Variants in PDE2A observed in about 807,000 individuals in gnomAD.
PDE2A encodes phosphodiesterase 2A.
In PDE2A, 53 loss-of-function variants were observed where a neutral mutation model predicts 133.6. The ratio of observed to expected loss-of-function variants is 0.40; its 90% confidence interval spans 0.32 to 0.50. PDE2A has a LOEUF of 0.50. Among genes scored for constraint, PDE2A ranks in the 20% least tolerant of loss-of-function variants. PDE2A has a pLI of 0.73. For synonymous variants in PDE2A, 491 were observed against 490.2 expected, an observed-to-expected ratio of 1.00 and a Z score of -0.02; for missense variants, 796 against 1,232.4, an observed-to-expected ratio of 0.65 and a Z score of 5.30.
chr11:72,586,297 C>A, intron 13 of PDE2A, 116 bp from the exon 14 acceptor site: 2 of 690,312 alleles, frequency 2.9e-6, no homozygotes, highest in African/African-American at 1.8e-5. Flanking sequence ...AACTATATAA[C>A]CACTGCACAG....
chr11:72,652,512 CT>C (rs1448984851), intron 1 of PDE2A: 1 of 455,820 alleles, frequency 2.2e-6, no homozygotes, highest in African/African-American at 2.0e-5. Context: ...CACCCCTTTG[CT>C]TACACCATTC....
chr11:72,631,325 C>T (rs1858371549), intron 2 of PDE2A, among the ~76,000 whole-genome samples: 1 of 152,152 alleles, frequency 6.6e-6, no homozygotes, highest in Non-Finnish European at 1.5e-5. Flanking sequence ...GCACCTCTGG[C>T]TCTGCCATAT....
rs1261897449 is a variant in PDE2A, at chr11:72,578,444, T to C, written c.2508+32A>G. On this transcript the variant is annotated intron_variant, in intron 29 of 30. Transcript: ENST00000334456. This position sits in a 1 kb window ranked among gnomAD's most constrained non-coding sequence, Gnocchi z 4.2. ...GTCCCAGGCCAGGAACCCTCCCCCA[T>C]CCTGGACATCCTGGGGTCACTCCAC... 1.2e-6 allele frequency: 2 copies of C among 1,601,366 alleles called. No homozygotes were observed. The highest frequency in any genetic ancestry group is 1.7e-6 in the Non-Finnish European group (2 of 1,168,542).
chr11:72,639,580 G>A (rs1390651284), intron 2 of PDE2A, among the ~76,000 whole-genome samples: 1 of 152,116 alleles, frequency 6.6e-6, no homozygotes. Context: ...ACGAAGTGGT[G>A]TAGTAAACAC....
chr11:72,582,390 G>C, intron 21 of PDE2A, 54 bp downstream of exon 21: 1 of 1,563,978 alleles, frequency 6.4e-7, no homozygotes, highest in Admixed American at 1.8e-5. Flanking sequence ...TTTAACTTAA[G>C]CCTCTGGCTA....
intron 6 of PDE2A, among the ~76,000 whole-genome samples, chr11:72,592,426 AGTCT>A (rs553513308): frequency 6.2e-4 from 94 of 152,300 alleles, no homozygotes; most frequent in Admixed American, 1.2e-3. Context: ...GGAAGCTCAC[AGTCT>A]GTCTGGGGTG....
At chr11:72,640,886 T>G (rs1858922422) in intron 2 of PDE2A, among the ~76,000 whole-genome samples, 1 of 151,912 alleles carries the variant, frequency 6.6e-6, no homozygotes, top group Non-Finnish European at 1.5e-5. Flanking sequence ...GCCACAACAC[T>G]GCCTCCCCAG....
intron 2 of PDE2A, among the ~76,000 whole-genome samples, chr11:72,612,038 A>G (rs2135370824): frequency 6.6e-6 from 1 of 152,274 alleles, no homozygotes; most frequent in East Asian, 1.9e-4. Flanking sequence ...ACAGATGGGG[A>G]GCAAGGCTCA....
At chr11:72,591,048 T>A in intron 7 of PDE2A, 1 of 495,802 alleles carries the variant, frequency 2.0e-6, no homozygotes, top group Non-Finnish European at 3.6e-6. Flanking sequence ...CAACCGTGTG[T>A]ATTTACAAGA....
intron 2 of PDE2A, among the ~76,000 whole-genome samples, chr11:72,632,712 G>A (rs1290302726): frequency 6.6e-6 from 1 of 152,092 alleles, no homozygotes; most frequent in Non-Finnish European, 1.5e-5. Context: ...AGCAGCCAGG[G>A]ACAGCCCCCT....
At chr11:72,639,807 G>A (rs1858875671) in intron 2 of PDE2A, among the ~76,000 whole-genome samples, 1 of 152,174 alleles carries the variant, frequency 6.6e-6, no homozygotes, top group Non-Finnish European at 1.5e-5. Context: ...GGGGGGGCAT[G>A]GAGAACATTC....
At chr11:72,600,972 G>C (rs1226785497) in intron 4 of PDE2A, among the ~76,000 whole-genome samples, 1 of 151,652 alleles carries the variant, frequency 6.6e-6, no homozygotes, top group Non-Finnish European at 1.5e-5. Flanking sequence ...AGCCTGGAAA[G>C]AGCTGGGTCC....
At chr11:72,664,099 G>A (rs1373884715) in intron 1 of PDE2A, among the ~76,000 whole-genome samples, 3 of 152,102 alleles carry the variant, frequency 2.0e-5, no homozygotes, top group Non-Finnish European at 4.4e-5. Flanking sequence ...TGCCTCCTTT[G>A]ACAAGCAGTG....
intron 21 of PDE2A, 186 bp downstream of exon 21, chr11:72,582,258 C>T: frequency 1.5e-6 from 1 of 648,516 alleles, no homozygotes. Context: ...TCCAGTCCAG[C>T]CTCTAGCCCC....
intron 6 of PDE2A, among the ~76,000 whole-genome samples, chr11:72,595,011 A>C (rs537068474): frequency 1.5e-3 from 229 of 149,614 alleles, no homozygotes; most frequent in Non-Finnish European, 2.7e-3. Context: ...AGTGTAAGTG[A>C]TCTGATCCCA....
intron 4 of PDE2A, among the ~76,000 whole-genome samples, chr11:72,599,845 C>T (rs1361928419): frequency 1.3e-5 from 2 of 152,208 alleles, no homozygotes; most frequent in African/African-American, 4.8e-5. Flanking sequence ...ACGTACAGAC[C>T]CACGCTTCAG....
chr11:72,632,624 G>A (rs1459089281), intron 2 of PDE2A, among the ~76,000 whole-genome samples: 2 of 152,184 alleles, frequency 1.3e-5, no homozygotes, highest in African/African-American at 4.8e-5. Flanking sequence ...TGAGATAAGT[G>A]CCTGACCCAG....
chr11:72,672,032 T>C (rs919773561), intron 1 of PDE2A, among the ~76,000 whole-genome samples: 7 of 152,060 alleles, frequency 4.6e-5, no homozygotes, highest in African/African-American at 1.7e-4. Context: ...CTATCCAGCC[T>C]TTCCCAAGTT....
intron 4 of PDE2A, chr11:72,599,038 G>T (rs1244498090): frequency 1.0e-6 from 1 of 985,274 alleles, no homozygotes; most frequent in Non-Finnish European, 1.2e-6. Context: ...GAGGCAGGGG[G>T]TGACCCCTGG....
Sources: gnomAD v4.1 joint callset for allele counts (sites outside exome capture counted in the v4.1 genomes callset) on GRCh38, gnomAD v4.1.1 for gene constraint, Gnocchi (gnomAD v3.1) non-coding constraint, MANE v1.5 for transcripts, NCBI Gene and HGNC (gene_info 2026-07-23, HGNC 2026-07-21) for gene names.